Variants in BCR observed in about 807,000 individuals in gnomAD.
BCR encodes breakpoint cluster region protein.
BCR carries 58 observed loss-of-function variants against 138.6 expected under a neutral mutation model. The observed-to-expected ratio is 0.42, with a 90% CI of 0.34 to 0.52. The LOEUF (loss-of-function observed/expected upper bound fraction) is 0.52. Among genes scored for constraint, BCR ranks in the 20% least tolerant of loss-of-function variants. The pLI is 0.06. For synonymous variants in BCR, 786 were observed against 730.1 expected (o/e 1.08, Z -1.23); for missense variants, 1,599 against 1,727.2 (o/e 0.93, Z 1.32).
chr22:23,186,581 T>C (rs1318545458), intron 1 of BCR, among the ~76,000 whole-genome samples: 1 of 152,220 alleles, frequency 6.6e-6, no homozygotes, highest in African/African-American at 2.4e-5. Context: ...GCACTGCCAT[T>C]CTCCATCTGT....
intron 20 of BCR, among the ~76,000 whole-genome samples, chr22:23,313,567 GT>G (rs1478939028): frequency 6.6e-6 from 1 of 152,194 alleles, no homozygotes; most frequent in Non-Finnish European, 1.5e-5. Flanking sequence ...TGCGTACTTG[GT>G]GGGGCTGGGA....
rs1395918593 is a variant in BCR, at chr22:23,273,777, G to A, written c.2115+3G>A. ...CCATGACGGTGAAGAAGGGAGAGGT[G>A]AGTGTGGCAGGGGATGGCTTGGGTC... is the stretch of plus-strand genomic sequence containing the variant. On this transcript the variant is annotated splice_donor_region_variant and intron_variant, in intron 8 of 22. Coordinates refer to ENST00000305877, the MANE Select transcript of BCR (RefSeq NM_004327.4). 6.2e-7 allele frequency: 1 copy of A among 1,613,992 alleles called. No individual in the cohort carries two copies.
At chr22:23,207,305 A>G (rs955264700) in intron 1 of BCR, among the ~76,000 whole-genome samples, 1 of 152,148 alleles carries the variant, frequency 6.6e-6, no homozygotes, top group African/African-American at 2.4e-5. Context: ...AGCAGAAGGA[A>G]GACATTAAGG....
At chr22:23,264,246 C>G (rs1316799513) in intron 4 of BCR, 33 of 969,974 alleles carry the variant, frequency 3.4e-5, no homozygotes, top group Non-Finnish European at 5.5e-5. Flanking sequence ...GCACACCTTC[C>G]CGCTGACGTC....
chr22:23,288,505 C>T (rs2073744497), intron 12 of BCR, among the ~76,000 whole-genome samples: 1 of 151,898 alleles, frequency 6.6e-6, no homozygotes, highest in South Asian at 2.1e-4. Flanking sequence ...GTCTGCTGCC[C>T]ATACACCGCA....
chr22:23,181,367 C>T lies in BCR; in HGVS notation c.407C>T (p.Ala136Val). The change falls in exon 1 of 23, where the codon GCA becomes GTA. Residue 136 changes from alanine (A) to valine (V), a missense_variant. By Grantham distance (64) the Ala-to-Val change is moderately conservative. Around this residue, in one of 4 missense-constraint regions of BCR, gnomAD observed 806 missense variants for 635.0 expected, o/e 1.27. Coordinates refer to ENST00000305877, the MANE Select transcript of BCR (RefSeq NM_004327.4). ...CCCGGGACCGCCCGCAGGCCCGGGG[C>T]AGCCGCGTCGGGGGAACGGGACGAC... ...ARPGTARRPG[A>V]AASGERDDRG... 1 of 1,528,296 alleles carries T rather than the reference C, an allele frequency of 6.5e-7. No homozygotes were observed. Among genetic ancestry groups the T allele is most frequent in the Non-Finnish European group, 8.7e-7 (1 of 1,143,472 alleles). The allele number at this position is 1,528,296 out of a possible 1,614,324, so 94.7% of individuals were successfully genotyped here.
In BCR at chr22:23,182,279, G is replaced by T. The variant is rs6003541; in HGVS notation, c.1279+40G>T. On this transcript the variant is annotated intron_variant, in intron 1 of 22. Coordinates refer to ENST00000305877, the MANE Select transcript of BCR (RefSeq NM_004327.4). The stretch of plus-strand genomic sequence containing the variant: ...CCACGTGCGTGGGCACACCTGCACG[G>T]GGGAGGAAAACCATAGACGAGTAGG... 9.3e-4 allele frequency: 1,387 copies of T among 1,492,804 alleles called. 11 individuals carry two copies. In the African/African-American group the frequency reaches 0.017, roughly 18 times the overall value. 92.5% of individuals were successfully genotyped at this position (1,492,804 alleles called of 1,614,324 possible).
chr22:23,183,319 T>G (rs2072294895), intron 1 of BCR, among the ~76,000 whole-genome samples: 1 of 152,174 alleles, frequency 6.6e-6, no homozygotes, highest in Non-Finnish European at 1.5e-5. Context: ...TTCATTGATT[T>G]TTCTTTTTCT....
At chr22:23,197,096 AT>A (rs1431003139) in intron 1 of BCR, among the ~76,000 whole-genome samples, 1 of 152,260 alleles carries the variant, frequency 6.6e-6, no homozygotes, top group Non-Finnish European at 1.5e-5. Context: ...CATTTTGGTT[AT>A]TGATGGTGGT....
chr22:23,286,656 T>G (rs1201341676), intron 10 of BCR, among the ~76,000 whole-genome samples: 1 of 152,136 alleles, frequency 6.6e-6, no homozygotes, highest in Non-Finnish European at 1.5e-5. Flanking sequence ...GATAGTGGCT[T>G]CTAGAGTGAA....
intron 1 of BCR, among the ~76,000 whole-genome samples, chr22:23,237,213 C>T (rs753838238): frequency 3.3e-5 from 5 of 152,224 alleles, no homozygotes; most frequent in African/African-American, 7.2e-5. Context: ...ATACCACAGT[C>T]CTCATCAGGA....
chr22:23,268,294 T>C, intron 4 of BCR, 114 bp from the exon 5 acceptor site: 1 of 790,524 alleles, frequency 1.3e-6, no homozygotes, highest in Non-Finnish European at 2.0e-6. Context: ...CTGCAGCCTG[T>C]GTGCCGTCTG....
At chr22:23,185,084 A>C (rs1308288837) in intron 1 of BCR, among the ~76,000 whole-genome samples, 1 of 152,120 alleles carries the variant, frequency 6.6e-6, no homozygotes, top group East Asian at 1.9e-4. Flanking sequence ...CACGGTGACA[A>C]AGTGCTTCCC....
Position 23,181,760 on chromosome 22 carries a change from G to A in BCR, c.800G>A (p.Ser267Asn). 6.2e-7 allele frequency: 1 copy of A among 1,605,494 alleles called. No individual in the cohort carries two copies. Residue 267 changes from serine to asparagine, a missense_variant, in exon 1 of 23, where the codon AGC becomes AAC. Transcript: ENST00000305877. ...KDNLIDANGG[S>N]RPPWPPLEYQ... ...AACCTGATCGACGCCAATGGCGGTAGCAGGCCCCCTTGGCCGCCCCTGGAG... is the reference window on the plus strand; with the variant it reads ...AACCTGATCGACGCCAATGGCGGTAACAGGCCCCCTTGGCCGCCCCTGGAG...
At chr22:23,263,329 T>C in intron 4 of BCR, 1 of 1,191,124 alleles carries the variant, frequency 8.4e-7, no homozygotes, top group Non-Finnish European at 1.2e-6. Flanking sequence ...TGCGACCTGC[T>C]CCGGCGCCAG....
chr22:23,304,737 G>C (rs114295335), intron 16 of BCR, among the ~76,000 whole-genome samples: 1 of 152,224 alleles, frequency 6.6e-6, no homozygotes, highest in Non-Finnish European at 1.5e-5. Context: ...GCTGGTTATA[G>C]TGTATCCTAA....
At chr22:23,264,516 C>A in intron 4 of BCR, 1 of 538,488 alleles carries the variant, frequency 1.9e-6, no homozygotes, top group Non-Finnish European at 3.3e-6. Context: ...GCTTCTGACT[C>A]CTGGAGCTTT....
chr22:23,246,262 C>T (rs1409368269), intron 1 of BCR, among the ~76,000 whole-genome samples: 2 of 150,560 alleles, frequency 1.3e-5, no homozygotes, highest in Non-Finnish European at 3.0e-5. Context: ...CCTGTCTCTA[C>T]AAAAAGAAAA....
At chr22:23,221,087 G>A (rs1353707331) in intron 1 of BCR, among the ~76,000 whole-genome samples, 2 of 152,160 alleles carry the variant, frequency 1.3e-5, no homozygotes, top group Non-Finnish European at 2.9e-5. Flanking sequence ...TCCTGGTTCA[G>A]CTTCCTTGAC....
Sources: gnomAD v4.1 joint callset for allele counts (sites outside exome capture counted in the v4.1 genomes callset) on GRCh38, gnomAD v4.1.1 for gene constraint, gnomAD v4.1.1 regional missense constraint, MANE v1.5 for transcripts, NCBI Gene and HGNC (gene_info 2026-07-23, HGNC 2026-07-21) for gene names.